The following SLC24A2 variants were observed in gnomAD, a reference collection of about 807,000 sequenced individuals.
SLC24A2 encodes solute carrier family 24 member 2.
Under a neutral mutation model 62.0 loss-of-function variants are expected in SLC24A2, and 36 were observed. The observed-to-expected ratio is 0.58, with a 90% CI of 0.44 to 0.77. SLC24A2 has a LOEUF of 0.77. Among genes scored for constraint, SLC24A2 ranks in the 30% least tolerant of loss-of-function variants. The pLI is 0.00. For synonymous variants in SLC24A2, 358 were observed against 294.0 expected, an observed-to-expected ratio of 1.22 and a Z score of -2.23; for missense variants, 846 against 817.9, an observed-to-expected ratio of 1.03 and a Z score of -0.42.
chr9:20,002,979 G>A, the SLC24A2 span, among the ~76,000 whole-genome samples: 11 of 152,276 alleles, frequency 7.2e-5, no homozygotes, highest in South Asian at 4.1e-4. Context: ...TTAATGGTCT[G>A]TTGTCAGCAT....
chr9:19,962,389 A>G, the SLC24A2 span, among the ~76,000 whole-genome samples: 6 of 152,114 alleles, frequency 3.9e-5, no homozygotes, highest in Non-Finnish European at 7.4e-5. Flanking sequence ...GTTTTTTCCA[A>G]TTCTGTGAAG....
the SLC24A2 span, among the ~76,000 whole-genome samples, chr9:20,028,627 G>T: frequency 1.3e-5 from 2 of 152,022 alleles, no homozygotes; most frequent in Non-Finnish European, 2.9e-5. Context: ...GTGCCATTCT[G>T]CTCGGGCTTC....
the SLC24A2 span, among the ~76,000 whole-genome samples, chr9:20,017,977 C>G: frequency 6.6e-6 from 1 of 152,206 alleles, no homozygotes; most frequent in Non-Finnish European, 1.5e-5. Flanking sequence ...CACGGAGTCT[C>G]GCTGTGTCAC....
At chr9:20,248,233 C>T in the SLC24A2 span, among the ~76,000 whole-genome samples, 1 of 152,194 alleles carries the variant, frequency 6.6e-6, no homozygotes, top group South Asian at 2.1e-4. Flanking sequence ...TATGGGAGCT[C>T]CCACCAGATC....
intron 2 of SLC24A2, among the ~76,000 whole-genome samples, chr9:19,624,862 T>C (rs545237881): frequency 6.6e-6 from 1 of 152,308 alleles, no homozygotes; most frequent in Non-Finnish European, 1.5e-5. Flanking sequence ...TAATTCGAAG[T>C]TCACCTGACT....
In SLC24A2 at chr9:19,724,767, A is replaced by G. The variant is rs139378745; in HGVS notation, c.930+61170T>C. Among the ~76,000 whole-genome samples, 165 of 152,282 alleles carry G rather than the reference A, an allele frequency of 1.1e-3. 1 individual carries two copies. The highest frequency in any genetic ancestry group is 3.8e-3 in the African/African-American group (156 of 41,570). Reference sequence around the variant, plus strand: ...AATAAAAAATATTTAAAGTCTTTCAATTTCTGGTTTATGCACAAATTTTGA... The same window carrying G: ...AATAAAAAATATTTAAAGTCTTTCAGTTTCTGGTTTATGCACAAATTTTGA... On this transcript the variant is annotated intron_variant, in intron 2 of 10. Coordinates refer to ENST00000341998, the MANE Select transcript of SLC24A2 (RefSeq NM_020344.4).
the SLC24A2 span, among the ~76,000 whole-genome samples, chr9:19,956,388 T>C: frequency 2.0e-5 from 3 of 152,230 alleles, no homozygotes. Flanking sequence ...CTGACATTCC[T>C]GTGTTGAAAC....
At chr9:20,165,287 TC>T in the SLC24A2 span, among the ~76,000 whole-genome samples, 1 of 151,922 alleles carries the variant, frequency 6.6e-6, no homozygotes, top group African/African-American at 2.4e-5. Context: ...AATTTTTTTT[TC>T]CTGCAAACTA....
At chr9:19,732,606 T>C (rs774947229) in intron 2 of SLC24A2, among the ~76,000 whole-genome samples, 6 of 152,230 alleles carry the variant, frequency 3.9e-5, no homozygotes, top group Non-Finnish European at 8.8e-5. Flanking sequence ...GCTTTGGCAA[T>C]GTCAGTCATA....
chr9:19,769,700 A>G (rs1460536042), intron 2 of SLC24A2, among the ~76,000 whole-genome samples: 1 of 152,198 alleles, frequency 6.6e-6, no homozygotes, highest in Non-Finnish European at 1.5e-5. Flanking sequence ...CACTACCCAG[A>G]GATGCATGGC....
At chr9:19,733,696 G>A (rs1247033853) in intron 2 of SLC24A2, among the ~76,000 whole-genome samples, 3 of 152,206 alleles carry the variant, frequency 2.0e-5, no homozygotes, top group Non-Finnish European at 2.9e-5. Context: ...GTGGTTTGCA[G>A]AAGTTCTCCA....
intron 7 of SLC24A2, among the ~76,000 whole-genome samples, chr9:19,562,616 T>C (rs1458501255): frequency 6.6e-6 from 1 of 152,164 alleles, no homozygotes; most frequent in African/African-American, 2.4e-5. Context: ...GACCCCAGTT[T>C]TTCCTAAAAA....
the SLC24A2 span, among the ~76,000 whole-genome samples, chr9:20,008,059 G>T: frequency 6.6e-6 from 1 of 151,244 alleles, no homozygotes; most frequent in Non-Finnish European, 1.5e-5. Context: ...CCATGCCCAG[G>T]TAATTTTTCT....
At chr9:19,779,704 T>C (rs1225295071) in intron 2 of SLC24A2, among the ~76,000 whole-genome samples, 1 of 152,192 alleles carries the variant, frequency 6.6e-6, no homozygotes, top group East Asian at 1.9e-4. Context: ...GATGGTAAAA[T>C]GACAATGTCT....
chr9:19,851,657 C>G, the SLC24A2 span, among the ~76,000 whole-genome samples: 1 of 152,150 alleles, frequency 6.6e-6, no homozygotes, highest in East Asian at 1.9e-4. Context: ...AGGACATGAT[C>G]TCATTCCTTT....
the SLC24A2 span, among the ~76,000 whole-genome samples, chr9:20,069,675 C>G: frequency 1.3e-5 from 2 of 152,198 alleles, no homozygotes; most frequent in Non-Finnish European, 2.9e-5. Flanking sequence ...GTAAGTAATA[C>G]AGTTCAGTTG....
the SLC24A2 span, among the ~76,000 whole-genome samples, chr9:19,922,290 T>G: frequency 6.6e-6 from 1 of 152,184 alleles, no homozygotes; most frequent in East Asian, 1.9e-4. Flanking sequence ...GAGTCCATGA[T>G]TTTCAGGGGA....
At chr9:19,913,314 G>A in the SLC24A2 span, among the ~76,000 whole-genome samples, 4 of 151,944 alleles carry the variant, frequency 2.6e-5, no homozygotes, top group Admixed American at 1.3e-4. Flanking sequence ...TCTTAGAGAC[G>A]TGCCCACATC....
At chr9:19,991,367 C>T in the SLC24A2 span, among the ~76,000 whole-genome samples, 1 of 152,138 alleles carries the variant, frequency 6.6e-6, no homozygotes, top group Non-Finnish European at 1.5e-5. Context: ...CTAGTCCTTC[C>T]ATGTTCTTCT....
Sources: allele counts gnomAD v4.1 joint callset (sites outside exome capture counted in the v4.1 genomes callset), GRCh38; gene constraint gnomAD v4.1.1; transcripts MANE v1.5; gene names NCBI Gene and HGNC (gene_info 2026-07-23, HGNC 2026-07-21).